Variants in SIDT1 observed in about 807,000 individuals in gnomAD.
The protein encoded by SIDT1 is SID1 transmembrane family member 1.
In SIDT1, 101 loss-of-function variants were observed where a neutral mutation model predicts 107.5. The observed-to-expected ratio is 0.94, with a 90% CI of 0.80 to 1.11. The LOEUF (loss-of-function observed/expected upper bound fraction) is 1.11, where lower values mean the gene tolerates loss of function less well. SIDT1 is among the 50% of genes least tolerant of loss of function. The probability of loss-of-function intolerance (pLI) is 0.00; values close to 1 mark genes in which losing one functional copy is unlikely to be tolerated. For missense variants in SIDT1, 1,076 were observed against 1,058.2 expected, an observed-to-expected ratio of 1.02 and a Z score of -0.23; for synonymous variants, 395 against 398.2, an observed-to-expected ratio of 0.99 and a Z score of 0.10.
At chr3:113,566,573 A>G (rs372882328) in intron 2 of SIDT1, 32 bp downstream of exon 2, 2 of 1,606,550 alleles carry the variant, frequency 1.2e-6, no homozygotes, top group Non-Finnish European at 1.7e-6. Context: ...CAACTTCACT[A>G]TGTTTAGTTT....
intron 1 of SIDT1, among the ~76,000 whole-genome samples, chr3:113,543,968 A>G (rs1375481803): frequency 6.6e-6 from 1 of 152,232 alleles, no homozygotes; most frequent in African/African-American, 2.4e-5. Context: ...TTATATAGCC[A>G]TTGAACAGTT....
rs773643238 is a variant in SIDT1, at chr3:113,626,128, G to A, written c.2334G>A (p.Lys778=). The A allele has an allele frequency of 3.1e-6, 5 of 1,614,120 alleles. No individual in the cohort carries two copies. The highest frequency in any genetic ancestry group is 4.2e-6 in the Non-Finnish European group (5 of 1,179,986). ...WEGTPAESRE[K]NRECILLDFF... is the part of the protein sequence containing the mutation. ...GAACTCCGGCCGAATCCCGGGAGAAGAACCGCGAGTGCATTCTGCTGGATT... is the reference window on the plus strand; with the variant it reads ...GAACTCCGGCCGAATCCCGGGAGAAAAACCGCGAGTGCATTCTGCTGGATT... Residue 778 remains lysine (K), a synonymous_variant, in exon 24 of 25, where the codon AAG becomes AAA. Transcript: ENST00000264852.
At chr3:113,565,339 C>T (rs1432770865) in intron 1 of SIDT1, among the ~76,000 whole-genome samples, 1 of 152,086 alleles carries the variant, frequency 6.6e-6, no homozygotes, top group East Asian at 1.9e-4. Flanking sequence ...CGAGACCAGC[C>T]TGGCCAACAT....
downstream of SIDT1, chr3:113,632,581 C>T (rs1480708019): frequency 6.6e-6 from 1 of 152,214 alleles, no homozygotes; most frequent in Non-Finnish European, 1.5e-5. Flanking sequence ...CCTCTCATCA[C>T]ATCTCTGTTC....
Position 113,623,533 on chromosome 3 carries a change from G to C in SIDT1, c.2196+1G>C, listed in dbSNP as rs771248850. ...CCTGGCCTTTTACATCATCATGAAG[G>C]TAAGAGCGGGTGCCGGGAGCGGCTA... On this transcript the variant is annotated splice_donor_variant, in intron 22 of 24. Coordinates refer to ENST00000264852, the MANE Select transcript of SIDT1 (RefSeq NM_017699.3). LOFTEE classifies it high-confidence loss of function. 2.5e-6 allele frequency: 4 copies of C among 1,612,054 alleles called. No homozygotes were observed. In the East Asian group the frequency reaches 8.9e-5, roughly 36 times the overall value.
At chr3:113,623,180 G>A in intron 21 of SIDT1, among the ~76,000 whole-genome samples, 1 of 97,386 alleles carries the variant, frequency 1.0e-5, no homozygotes, top group African/African-American at 4.3e-5. Flanking sequence ...GAGGGAATGA[G>A]ACCCCAACTC....
chr3:113,583,380 C>G, intron 6 of SIDT1, 29 bp from the exon 7 acceptor site: 1 of 1,532,122 alleles, frequency 6.5e-7, no homozygotes, highest in Non-Finnish European at 9.0e-7. Context: ...TTCTTACCGC[C>G]TATCATAAGG....
downstream of SIDT1, among the ~76,000 whole-genome samples, chr3:113,634,428 G>C (rs1179537029): frequency 6.6e-6 from 1 of 152,136 alleles, no homozygotes; most frequent in East Asian, 1.9e-4. Context: ...AGGTCAAGGC[G>C]GGTGGATCAC....
chr3:113,620,234 C>T (rs1222878971), intron 21 of SIDT1, among the ~76,000 whole-genome samples: 3 of 142,032 alleles, frequency 2.1e-5, no homozygotes, highest in Non-Finnish European at 4.7e-5. Context: ...GCAAGTCCCT[C>T]TTTTATTTCT....
chr3:113,553,042 A>G (rs1046407890), intron 1 of SIDT1, among the ~76,000 whole-genome samples: 3 of 152,174 alleles, frequency 2.0e-5, no homozygotes, highest in Non-Finnish European at 4.4e-5. Flanking sequence ...CAGGGGGAAA[A>G]GCTGGGGTGT....
At chr3:113,620,011 G>A in intron 21 of SIDT1, 1 of 273,100 alleles carries the variant, frequency 3.7e-6, no homozygotes, top group South Asian at 5.8e-5. Flanking sequence ...ACAGATGGAT[G>A]GATAGTTGAA....
At chr3:113,557,103 C>A (rs960523400) in intron 1 of SIDT1, among the ~76,000 whole-genome samples, 1 of 152,118 alleles carries the variant, frequency 6.6e-6, no homozygotes, top group Non-Finnish European at 1.5e-5. Context: ...CCAAGGCGCC[C>A]GTAATCCCAG....
chr3:113,561,227 A>C (rs141396499), intron 1 of SIDT1, among the ~76,000 whole-genome samples: 3 of 152,282 alleles, frequency 2.0e-5, no homozygotes, highest in Non-Finnish European at 4.4e-5. Context: ...AGGCAAAGCA[A>C]ATTTTGATCA....
chr3:113,616,934 C>G (rs1946151826), intron 20 of SIDT1, among the ~76,000 whole-genome samples: 2 of 152,138 alleles, frequency 1.3e-5, no homozygotes, highest in South Asian at 4.1e-4. Context: ...GTGATCCGCC[C>G]ACCTTGGCCT....
intron 14 of SIDT1, chr3:113,606,690 A>C (rs927116504): frequency 1.1e-5 from 2 of 178,952 alleles, no homozygotes; most frequent in Non-Finnish European, 1.2e-5. Context: ...CTCTGCAGTA[A>C]CCTAGAAAAT....
intron 1 of SIDT1, among the ~76,000 whole-genome samples, chr3:113,545,201 T>C (rs1430369939): frequency 6.6e-6 from 1 of 151,234 alleles, no homozygotes; most frequent in African/African-American, 2.4e-5. Context: ...CACCAAACTT[T>C]CAACAACTAG....
intron 19 of SIDT1, among the ~76,000 whole-genome samples, chr3:113,612,860 G>A (rs1254395660): frequency 6.6e-6 from 1 of 152,020 alleles, no homozygotes; most frequent in Non-Finnish European, 1.5e-5. Context: ...CTATTTCAAG[G>A]CAAATTATTA....
chr3:113,538,589 T>C (rs1205942836), intron 1 of SIDT1, among the ~76,000 whole-genome samples: 1 of 152,274 alleles, frequency 6.6e-6, no homozygotes, highest in East Asian at 1.9e-4. Flanking sequence ...TTAACTATAG[T>C]CATAAAATTA....
At chr3:113,603,259 A>C (rs948057532) in intron 12 of SIDT1, 109 bp downstream of exon 12, 29 of 1,161,612 alleles carry the variant, frequency 2.5e-5, no homozygotes, top group Non-Finnish European at 3.5e-5. Flanking sequence ...AGGGAAACCC[A>C]AATTTCCCAG....
Sources: gnomAD v4.1 joint callset for allele counts (sites outside exome capture counted in the v4.1 genomes callset) on GRCh38, gnomAD v4.1.1 for gene constraint, MANE v1.5 for transcripts, NCBI Gene and HGNC (gene_info 2026-07-23, HGNC 2026-07-21) for gene names.